The following FLT1 variants were observed in gnomAD, a reference collection of about 807,000 sequenced individuals.
FLT1 encodes the protein vascular endothelial growth factor receptor 1.
Under a neutral mutation model 156.3 loss-of-function variants are expected in FLT1, and 49 were observed. The ratio of observed to expected loss-of-function variants is 0.31; its 90% CI spans 0.25 to 0.40. The LOEUF is 0.40. Ranked by LOEUF, FLT1 falls within the 10% of genes least tolerant of loss-of-function variation. FLT1 has a pLI of 1.00. For missense variants in FLT1, 1,322 were observed against 1,637.2 expected (o/e 0.81, Z 3.32); for synonymous variants, 594 against 583.8 (o/e 1.02, Z -0.25).
At position 28,390,031 on chromosome 13, in the gene FLT1, T is replaced by G; in HGVS notation, c.1734A>C (p.Thr578=). 2 of 1,614,256 alleles carry G rather than the reference T, an allele frequency of 1.2e-6. No homozygotes were observed. Among genetic ancestry groups the G allele is most frequent in the Non-Finnish European group, 1.7e-6 (2 of 1,180,044 alleles). Residue 578 remains threonine, a synonymous_variant, in exon 13 of 30, where the codon ACA becomes ACC. Coordinates refer to ENST00000282397, the MANE Select transcript of FLT1 (RefSeq NM_002019.4). ...TEGEDLKLSC[T]VNKFLYRDVT... ...CGTCTCTGTATAAGAACTTGTTAACTGTGCAAGACAGTTTCAGGTCCTCTC... is the reference window on the plus strand; with the variant it reads ...CGTCTCTGTATAAGAACTTGTTAACGGTGCAAGACAGTTTCAGGTCCTCTC...
chr13:28,376,394 A>T (rs1873840678), intron 14 of FLT1, among the ~76,000 whole-genome samples: 1 of 152,220 alleles, frequency 6.6e-6, no homozygotes, highest in Non-Finnish European at 1.5e-5. Flanking sequence ...AAAATATTCT[A>T]AAAATGTTTT....
At chr13:28,428,872 A>G (rs1466214432) in intron 8 of FLT1, among the ~76,000 whole-genome samples, 1 of 152,220 alleles carries the variant, frequency 6.6e-6, no homozygotes, top group Admixed American at 6.5e-5. Context: ...TCAGATCCAA[A>G]GTAATTAAAA....
intron 20 of FLT1, among the ~76,000 whole-genome samples, chr13:28,323,738 A>T (rs1051931842): frequency 6.6e-6 from 1 of 151,672 alleles, no homozygotes; most frequent in East Asian, 1.9e-4. Context: ...GCCACACGCC[A>T]TCTTGTGAAG....
chr13:28,318,286 A>T (rs1229869982), intron 24 of FLT1, among the ~76,000 whole-genome samples: 1 of 152,114 alleles, frequency 6.6e-6, no homozygotes, highest in Admixed American at 6.5e-5. Flanking sequence ...TTTGCGCTCC[A>T]GGGCTGGGCT....
chr13:28,427,113 T>C (rs1877389356), intron 10 of FLT1, 46 bp downstream of exon 10: 1 of 1,539,070 alleles, frequency 6.5e-7, no homozygotes, highest in Non-Finnish European at 9.0e-7. Context: ...TAATTCCAGG[T>C]GTCAAAAAGT....
At chr13:28,369,922 G>C (rs548920760) in intron 14 of FLT1, among the ~76,000 whole-genome samples, 1 of 152,100 alleles carries the variant, frequency 6.6e-6, no homozygotes, top group Non-Finnish European at 1.5e-5. Flanking sequence ...CATATAGGCC[G>C]GGTGCAGTGG....
intron 17 of FLT1, among the ~76,000 whole-genome samples, chr13:28,338,374 A>G (rs1298520993): frequency 1.3e-5 from 2 of 152,016 alleles, no homozygotes; most frequent in Non-Finnish European, 2.9e-5. Context: ...TGAGTGGAAA[A>G]CTTTCAGAAG....
chr13:28,473,803 AAAG>A (rs1880369904), intron 1 of FLT1, among the ~76,000 whole-genome samples: 1 of 135,312 alleles, frequency 7.4e-6, no homozygotes, highest in African/African-American at 2.8e-5. Flanking sequence ...AGAAAGAAAG[AAAG>A]AAAGAAAGAA....
intron 15 of FLT1, among the ~76,000 whole-genome samples, chr13:28,348,336 G>A (rs994310929): frequency 6.6e-6 from 1 of 152,146 alleles, no homozygotes; most frequent in Non-Finnish European, 1.5e-5. Context: ...CAGGATAAAA[G>A]TCCAAATCCT....
At chr13:28,437,630 C>CT (rs1477550548) in intron 4 of FLT1, among the ~76,000 whole-genome samples, 1 of 152,176 alleles carries the variant, frequency 6.6e-6, no homozygotes, top group Admixed American at 6.5e-5. Context: ...TACCCTAAAT[C>CT]TTTTACCTTT....
At chr13:28,485,097 C>T (rs1881075110) in intron 1 of FLT1, among the ~76,000 whole-genome samples, 1 of 151,948 alleles carries the variant, frequency 6.6e-6, no homozygotes, top group East Asian at 1.9e-4. Context: ...AAATATTTGT[C>T]TGTAATATTT....
intron 1 of FLT1, among the ~76,000 whole-genome samples, chr13:28,492,077 CA>C (rs145737813): frequency 0.036 from 5,516 of 151,140 alleles, 142 homozygotes; most frequent in Non-Finnish European, 0.054. Context: ...CAATTTAGAC[CA>C]AAAAAAAGTG....
intron 1 of FLT1, among the ~76,000 whole-genome samples, chr13:28,483,334 C>T (rs905288246): frequency 6.6e-6 from 1 of 152,124 alleles, no homozygotes; most frequent in Non-Finnish European, 1.5e-5. Context: ...CTAATGCCAA[C>T]TTAGAGAAAG....
chr13:28,352,067 C>T (rs998510113), intron 15 of FLT1, among the ~76,000 whole-genome samples: 3 of 152,180 alleles, frequency 2.0e-5, no homozygotes, highest in Admixed American at 1.3e-4. Flanking sequence ...AAGAGTGAGG[C>T]ATCTGGCTTC....
At chr13:28,358,609 C>A (rs957347726) in intron 14 of FLT1, among the ~76,000 whole-genome samples, 2 of 152,132 alleles carry the variant, frequency 1.3e-5, no homozygotes, top group African/African-American at 4.8e-5. Flanking sequence ...ATTTACTCTG[C>A]CATCAGTTCG....
At chr13:28,493,164 C>A (rs1034255251) in intron 1 of FLT1, among the ~76,000 whole-genome samples, 3 of 152,154 alleles carry the variant, frequency 2.0e-5, no homozygotes, top group Non-Finnish European at 1.5e-5. Flanking sequence ...AAATCACGTA[C>A]TTTTCCCTCC....
intron 10 of FLT1, among the ~76,000 whole-genome samples, chr13:28,420,749 A>G (rs1465799351): frequency 1.3e-5 from 2 of 152,296 alleles, no homozygotes; most frequent in Non-Finnish European, 2.9e-5. Flanking sequence ...TACATTTCTA[A>G]TTAACTACCA....
At chr13:28,481,081 G>T (rs2137654808) in intron 1 of FLT1, among the ~76,000 whole-genome samples, 2 of 152,256 alleles carry the variant, frequency 1.3e-5, no homozygotes, top group Admixed American at 1.3e-4. Flanking sequence ...AACAATGGCA[G>T]CAATAGTAAC....
At chr13:28,326,249 C>T (rs900152619) in intron 20 of FLT1, among the ~76,000 whole-genome samples, 4 of 152,132 alleles carry the variant, frequency 2.6e-5, no homozygotes, top group Non-Finnish European at 2.9e-5. Flanking sequence ...AACGAGGGAA[C>T]TGAAACAGAC....
Sources: allele counts gnomAD v4.1 joint callset (sites outside exome capture counted in the v4.1 genomes callset), GRCh38; gene constraint gnomAD v4.1.1; transcripts MANE v1.5; gene names NCBI Gene and HGNC (gene_info 2026-07-23, HGNC 2026-07-21).